SYNPR: variants seen among roughly 807,000 people sequenced by gnomAD.
The protein encoded by SYNPR is synaptoporin.
Under a neutral mutation model 32.9 loss-of-function variants are expected in SYNPR, and 23 were observed. The observed-to-expected ratio is 0.70, with a 90% CI of 0.50 to 0.99. SYNPR has a LOEUF of 0.99. SYNPR is among the 50% of genes least tolerant of loss of function. The pLI is 0.00. For missense variants in SYNPR, 318 were observed against 349.3 expected (o/e 0.91, Z 0.71); for synonymous variants, 146 against 135.9 (o/e 1.07, Z -0.52).
At chr3:63,409,569 TCTC>T (rs2088434450) in intron 2 of SYNPR, among the ~76,000 whole-genome samples, 1 of 152,170 alleles carries the variant, frequency 6.6e-6, no homozygotes, top group African/African-American at 2.4e-5. Flanking sequence ...GTGGTCAAGT[TCTC>T]CTAAAATTCA....
At chr3:63,501,540 A>G (rs971869027) in intron 3 of SYNPR, among the ~76,000 whole-genome samples, 2 of 151,660 alleles carry the variant, frequency 1.3e-5, no homozygotes, top group African/African-American at 4.8e-5. Context: ...AAATAATAGA[A>G]TAGAAAAGAA....
At chr3:63,247,959 TTTGAA>T (rs1479268719) in intron 1 of SYNPR, among the ~76,000 whole-genome samples, 1 of 152,114 alleles carries the variant, frequency 6.6e-6, no homozygotes, top group Non-Finnish European at 1.5e-5. Context: ...TTCCTTGGTG[TTTGAA>T]TTATTTAACA....
intron 4 of SYNPR, among the ~76,000 whole-genome samples, chr3:63,572,101 C>A (rs1254963894): frequency 6.6e-6 from 1 of 152,182 alleles, no homozygotes; most frequent in Non-Finnish European, 1.5e-5. Context: ...TCCAAAGCAA[C>A]CATACATCTG....
chr3:63,279,246 G>A (rs2086606098), intron 2 of SYNPR, among the ~76,000 whole-genome samples: 1 of 152,146 alleles, frequency 6.6e-6, no homozygotes, highest in South Asian at 2.1e-4. Flanking sequence ...TGCTCCGCGG[G>A]AGCTTCAGGG....
chr3:63,377,753 T>A (rs1254438672), intron 2 of SYNPR, among the ~76,000 whole-genome samples: 1 of 152,100 alleles, frequency 6.6e-6, no homozygotes, highest in Non-Finnish European at 1.5e-5. Flanking sequence ...TTCAGAATGT[T>A]CTATGTTTCA....
chr3:63,484,843 A>G (rs1247695384), intron 3 of SYNPR, among the ~76,000 whole-genome samples: 1 of 152,210 alleles, frequency 6.6e-6, no homozygotes, highest in Non-Finnish European at 1.5e-5. Flanking sequence ...AGCATGGTGA[A>G]TACAACGAAA....
intron 3 of SYNPR, among the ~76,000 whole-genome samples, chr3:63,547,659 T>C (rs775058734): frequency 6.6e-6 from 1 of 152,122 alleles, no homozygotes; most frequent in African/African-American, 2.4e-5. Flanking sequence ...GAGAGTCAGT[T>C]GCTAGAAGGC....
At position 63,508,433 on chromosome 3, in the gene SYNPR, T is replaced by A. The variant is rs572545530; in HGVS notation, c.209+27477T>A. Among the ~76,000 whole-genome samples the A allele has an allele frequency of 3.3e-5, 5 of 152,290 alleles. No homozygotes were observed. The South Asian group carries it at 1.0e-3, about 32-fold the overall frequency. ...GGAGTAAAAACAGAGCTGACTCAGATGTCAGGTGACTCAGGTGATGTAAGG... is the reference window on the plus strand; with the variant it reads ...GGAGTAAAAACAGAGCTGACTCAGAAGTCAGGTGACTCAGGTGATGTAAGG... On this transcript the variant is annotated intron_variant, in intron 3 of 5. Transcript: ENST00000478300.
intron 2 of SYNPR, among the ~76,000 whole-genome samples, chr3:63,386,484 T>C (rs1254240251): frequency 1.3e-5 from 2 of 152,240 alleles, no homozygotes; most frequent in Non-Finnish European, 2.9e-5. Context: ...ATTCTTAATG[T>C]TCCCGAAACC....
rs139885715 is a variant in SYNPR, at chr3:63,287,245, A to T, written c.84+8503A>T. Among the ~76,000 whole-genome samples, 29 of 152,242 alleles carry T rather than the reference A, an allele frequency of 1.9e-4. No homozygotes were observed. In the East Asian group the frequency reaches 2.1e-3, roughly 11 times the overall value. ...CTCTGTACACGTTTCACATTTCTTG[A>T]TGTTTTAGGGGCCTGGTGACGGTTT... On this transcript the variant is annotated intron_variant, in intron 2 of 5. Transcript: ENST00000478300.
At chr3:63,304,996 T>A (rs2086897007) in intron 2 of SYNPR, among the ~76,000 whole-genome samples, 1 of 151,936 alleles carries the variant, frequency 6.6e-6, no homozygotes, top group Non-Finnish European at 1.5e-5. Context: ...CAGAGCTATA[T>A]AATGTGTGCA....
At chr3:63,272,243 G>A (rs2086543627) in intron 3 of SYNPR, among the ~76,000 whole-genome samples, 1 of 152,058 alleles carries the variant, frequency 6.6e-6, no homozygotes, top group African/African-American at 2.4e-5. Flanking sequence ...TGATGGAGTT[G>A]GTAAAAATTA....
chr3:63,602,657 G>C (rs553317292), intron 4 of SYNPR, among the ~76,000 whole-genome samples: 5 of 152,076 alleles, frequency 3.3e-5, no homozygotes, highest in African/African-American at 4.8e-5. Flanking sequence ...GATGGTTGTA[G>C]GTGTGTGAAA....
chr3:63,524,666 C>G (rs1303262010), intron 3 of SYNPR, among the ~76,000 whole-genome samples: 2 of 152,100 alleles, frequency 1.3e-5, no homozygotes, highest in South Asian at 4.1e-4. Context: ...GGGTGTCATC[C>G]TCAATTTGCA....
chr3:63,300,695 C>T (rs563599996), intron 2 of SYNPR, among the ~76,000 whole-genome samples: 1 of 152,184 alleles, frequency 6.6e-6, no homozygotes, highest in South Asian at 2.1e-4. Flanking sequence ...AGCCTAGCTT[C>T]CTTGCCTCAG....
At chr3:63,339,241 A>C (rs896023760) in intron 2 of SYNPR, among the ~76,000 whole-genome samples, 5 of 152,212 alleles carry the variant, frequency 3.3e-5, no homozygotes, top group African/African-American at 4.8e-5. Flanking sequence ...TGTCCCAGGC[A>C]CAAGTAGTAA....
intron 2 of SYNPR, among the ~76,000 whole-genome samples, chr3:63,293,479 C>T (rs1287782348): frequency 3.9e-5 from 6 of 152,194 alleles, no homozygotes; most frequent in Middle Eastern, 3.4e-3. Flanking sequence ...ATATCTTTTA[C>T]GTTCATGAAT....
intron 2 of SYNPR, among the ~76,000 whole-genome samples, chr3:63,415,704 A>G (rs2088531105): frequency 6.6e-6 from 1 of 152,256 alleles, no homozygotes; most frequent in Non-Finnish European, 1.5e-5. Flanking sequence ...CAGTGGTGTA[A>G]GTTGCAAACA....
chr3:63,442,251 CGAGA>C (rs10537945), intron 2 of SYNPR, among the ~76,000 whole-genome samples: 1 of 150,136 alleles, frequency 6.7e-6, no homozygotes, highest in African/African-American at 2.5e-5. Context: ...GGAAGGAAAG[CGAGA>C]GAGAGAGAGA....
Sources: allele counts gnomAD v4.1 joint callset (sites outside exome capture counted in the v4.1 genomes callset), GRCh38; gene constraint gnomAD v4.1.1; transcripts MANE v1.5; gene names NCBI Gene and HGNC (gene_info 2026-07-23, HGNC 2026-07-21).